DNAJC1: variants seen among roughly 807,000 people sequenced by gnomAD.
DNAJC1 encodes the protein DnaJ heat shock protein family (Hsp40) member C1, also known as dnaJ homolog subfamily C member 1.
Under a neutral mutation model 76.6 loss-of-function variants are expected in DNAJC1, and 58 were observed. The observed-to-expected ratio is 0.76, with a 90% CI of 0.61 to 0.94. The LOEUF is 0.94. DNAJC1 is among the 40% of genes least tolerant of loss of function. The probability of loss-of-function intolerance (pLI) is 0.00; values close to 1 mark genes in which losing one functional copy is unlikely to be tolerated. For synonymous variants in DNAJC1, 258 were observed against 267.9 expected (o/e 0.96, Z 0.36); for missense variants, 689 against 677.3 (o/e 1.02, Z -0.19).
chr10:21,831,975 C>T (rs990990259), intron 8 of DNAJC1, among the ~76,000 whole-genome samples: 6 of 152,042 alleles, frequency 3.9e-5, no homozygotes, highest in Admixed American at 1.3e-4. Context: ...ATACCATAGT[C>T]ATCCTGTGAT....
intron 9 of DNAJC1, among the ~76,000 whole-genome samples, chr10:21,770,198 A>G (rs556642247): frequency 1.3e-5 from 2 of 152,150 alleles, no homozygotes; most frequent in East Asian, 3.9e-4. Flanking sequence ...TTCTCACTTG[A>G]CCAAACTAAT....
chr10:21,961,895 C>A (rs909019553), intron 1 of DNAJC1, among the ~76,000 whole-genome samples: 32 of 152,184 alleles, frequency 2.1e-4, no homozygotes, highest in Non-Finnish European at 3.8e-4. Flanking sequence ...TCTCCACACT[C>A]AGGCCTCCCT....
At chr10:21,848,001 G>A (rs1345838515) in intron 8 of DNAJC1, among the ~76,000 whole-genome samples, 1 of 152,100 alleles carries the variant, frequency 6.6e-6, no homozygotes, top group Non-Finnish European at 1.5e-5. Flanking sequence ...AAATCGGATG[G>A]TAGATCTATT....
chr10:21,783,098 A>AG (rs1250708228), intron 9 of DNAJC1, among the ~76,000 whole-genome samples: 1 of 152,220 alleles, frequency 6.6e-6, no homozygotes, highest in Non-Finnish European at 1.5e-5. Flanking sequence ...TGAGGAAAAG[A>AG]GGAAGTCAAA....
intron 7 of DNAJC1, among the ~76,000 whole-genome samples, chr10:21,893,971 C>T (rs1344409971): frequency 6.6e-6 from 1 of 152,028 alleles, no homozygotes; most frequent in Non-Finnish European, 1.5e-5. Context: ...GGAGAAATCA[C>T]TACAGGGCAT....
intron 1 of DNAJC1, among the ~76,000 whole-genome samples, chr10:21,990,769 G>A (rs1051539986): frequency 6.6e-6 from 1 of 152,172 alleles, no homozygotes; most frequent in Non-Finnish European, 1.5e-5. Flanking sequence ...AGCATAGAAT[G>A]TTTAAGATCT....
chr10:21,916,306 G>A (rs1233980526), intron 6 of DNAJC1, among the ~76,000 whole-genome samples: 1 of 152,056 alleles, frequency 6.6e-6, no homozygotes, highest in Non-Finnish European at 1.5e-5. Flanking sequence ...TGGCTAACAC[G>A]GTGAAACCCC....
At chr10:21,998,789 A>G (rs1312987038) in intron 1 of DNAJC1, among the ~76,000 whole-genome samples, 4 of 152,252 alleles carry the variant, frequency 2.6e-5, no homozygotes, top group African/African-American at 9.6e-5. Context: ...ACATAGAAGT[A>G]AAATCTGTTG....
intron 8 of DNAJC1, among the ~76,000 whole-genome samples, chr10:21,849,133 T>C (rs1207187172): frequency 2.7e-5 from 4 of 149,976 alleles, no homozygotes; most frequent in African/African-American, 7.4e-5. Context: ...CTACTAAAAA[T>C]ACAAAAAAAA....
intron 1 of DNAJC1, among the ~76,000 whole-genome samples, chr10:21,989,976 G>A (rs1156740054): frequency 6.6e-6 from 1 of 152,166 alleles, no homozygotes; most frequent in Non-Finnish European, 1.5e-5. Flanking sequence ...TTACTTCACA[G>A]TTTAACCACC....
chr10:21,982,833 G>C (rs1159863258), intron 1 of DNAJC1, among the ~76,000 whole-genome samples: 2 of 152,140 alleles, frequency 1.3e-5, no homozygotes, highest in Non-Finnish European at 2.9e-5. Flanking sequence ...ACAATTTGGT[G>C]GTTCCTCAAA....
intron 6 of DNAJC1, among the ~76,000 whole-genome samples, chr10:21,915,008 A>G (rs1231599926): frequency 6.6e-6 from 1 of 152,218 alleles, no homozygotes; most frequent in Non-Finnish European, 1.5e-5. Context: ...CTGCTACCTG[A>G]CATTAAGGTC....
intron 8 of DNAJC1, among the ~76,000 whole-genome samples, chr10:21,858,252 TAAA>T (rs369614180): frequency 1.3e-5 from 2 of 152,246 alleles, no homozygotes; most frequent in African/African-American, 2.4e-5. Flanking sequence ...ATGAATAAAA[TAAA>T]AAGTCTCTGA....
chr10:21,900,777 C>T (rs1836639286), intron 7 of DNAJC1, among the ~76,000 whole-genome samples: 1 of 152,190 alleles, frequency 6.6e-6, no homozygotes, highest in Admixed American at 6.5e-5. Context: ...TGATCAGTTA[C>T]ATGCCTCCGC....
At chr10:21,999,359 T>C (rs981752312) in intron 1 of DNAJC1, among the ~76,000 whole-genome samples, 4 of 152,154 alleles carry the variant, frequency 2.6e-5, no homozygotes, top group Non-Finnish European at 1.5e-5. Context: ...TTTTTTCACT[T>C]GACTGAAGAG....
intron 8 of DNAJC1, among the ~76,000 whole-genome samples, chr10:21,840,010 A>G (rs1259563605): frequency 6.6e-6 from 1 of 152,264 alleles, no homozygotes; most frequent in Non-Finnish European, 1.5e-5. Flanking sequence ...CCACATGATT[A>G]TCTCAATAGA....
chr10:21,972,714 C>T (rs1341454336), intron 1 of DNAJC1, among the ~76,000 whole-genome samples: 3 of 151,914 alleles, frequency 2.0e-5, no homozygotes, highest in Non-Finnish European at 2.9e-5. Context: ...GAGGTTACAG[C>T]CATGATTCAC....
chr10:21,817,159 CAAAA>C (rs1194285168), intron 8 of DNAJC1, among the ~76,000 whole-genome samples: 3 of 59,900 alleles, frequency 5.0e-5, no homozygotes, highest in South Asian at 9.5e-4. Context: ...GATTCCGTCT[CAAAA>C]AAAAAAAAAA....
At chr10:21,916,001 TA>T (rs1230165218) in intron 6 of DNAJC1, among the ~76,000 whole-genome samples, 1 of 151,614 alleles carries the variant, frequency 6.6e-6, no homozygotes, top group African/African-American at 2.4e-5. Flanking sequence ...TAAATTAAAT[TA>T]AATTAAAATG....
Sources: allele counts gnomAD v4.1 joint callset (sites outside exome capture counted in the v4.1 genomes callset), GRCh38; gene constraint gnomAD v4.1.1; transcripts MANE v1.5; gene names NCBI Gene and HGNC (gene_info 2026-07-23, HGNC 2026-07-21).